Variants in VNN2 observed in about 807,000 individuals in gnomAD.
VNN2 encodes the protein pantetheine hydrolase VNN2.
In VNN2, 43 loss-of-function variants were observed where a neutral mutation model predicts 43.0. The ratio of observed to expected loss-of-function variants is 1.00; its 90% CI spans 0.78 to 1.29. The LOEUF (loss-of-function observed/expected upper bound fraction) is 1.29, where lower values mean the gene tolerates loss of function less well. VNN2 is among the 50% of genes most tolerant of loss of function. The pLI, the probability that VNN2 is intolerant of heterozygous loss-of-function variation, is 0.00. For synonymous variants in VNN2, 230 were observed against 224.3 expected, an observed-to-expected ratio of 1.03 and a Z score of -0.23; for missense variants, 652 against 619.7, an observed-to-expected ratio of 1.05 and a Z score of -0.55.
At chr6:132,754,980 C>T (rs559351944) in intron 3 of VNN2, among the ~76,000 whole-genome samples, 4 of 152,114 alleles carry the variant, frequency 2.6e-5, no homozygotes, top group African/African-American at 4.8e-5. Flanking sequence ...TCAAAGACAG[C>T]CTGGGCAATG....
At chr6:132,749,569 G>A (rs1779925712) in intron 6 of VNN2, 126 bp downstream of exon 6, 2 of 998,202 alleles carry the variant, frequency 2.0e-6, no homozygotes, top group South Asian at 3.5e-5. Flanking sequence ...CAGAACCAGG[G>A]CTAAAGAAAT....
At chr6:132,758,862 C>T (rs1005876560), upstream of VNN2, among the ~76,000 whole-genome samples, 1 of 152,008 alleles carries the variant, frequency 6.6e-6, no homozygotes, top group Non-Finnish European at 1.5e-5. Context: ...GCACCTAGGC[C>T]AGAGGAGGAA....
At chr6:132,754,413 CTTATG>C (rs1007164373) in intron 3 of VNN2, among the ~76,000 whole-genome samples, 2 of 152,136 alleles carry the variant, frequency 1.3e-5, no homozygotes, top group African/African-American at 4.8e-5. Flanking sequence ...ATATTGAGGA[CTTATG>C]TTAACGATTT....
chr6:132,754,481 C>A (rs1488716254), intron 3 of VNN2, among the ~76,000 whole-genome samples: 1 of 152,046 alleles, frequency 6.6e-6, no homozygotes, highest in Non-Finnish European at 1.5e-5. Context: ...GGTTTAACAT[C>A]CCTCCTCTTA....
chr6:132,748,852 GC>G (rs1386179859), intron 6 of VNN2, among the ~76,000 whole-genome samples: 1 of 152,126 alleles, frequency 6.6e-6, no homozygotes, highest in East Asian at 1.9e-4. Context: ...GATTGCTTGA[GC>G]CCAGGAGTTT....
chr6:132,757,479 A>G lies in VNN2; in HGVS notation c.281T>C (p.Phe94Ser). The G allele has an allele frequency of 1.2e-6, 2 of 1,613,944 alleles. No individual in the cohort carries two copies. Among genetic ancestry groups the G allele is most frequent in the African/African-American group, 1.3e-5 (1 of 75,048 alleles). Reference protein sequence around the residue: ...YGWKFTRETVFPYLEDIPDPQ... With the variant: ...YGWKFTRETVSPYLEDIPDPQ... ...GTCTGGGATATCCTCCAGATAAGGG[A>G]AAACAGTTTCCCTGGTAAATTTCCA... The change falls in exon 2 of 7, where the codon TTC becomes TCC. Residue 94 changes from phenylalanine to serine, a missense_variant. Coordinates refer to ENST00000326499, the MANE Select transcript of VNN2 (RefSeq NM_004665.6).
chr6:132,747,042 C>G (rs1292693085), intron 6 of VNN2, among the ~76,000 whole-genome samples: 1 of 152,126 alleles, frequency 6.6e-6, no homozygotes, highest in Non-Finnish European at 1.5e-5. Context: ...CAATCTATAT[C>G]TCATTTCCTT....
chr6:132,754,054 A>G (rs1780306852), intron 3 of VNN2: 1 of 151,558 alleles, frequency 6.6e-6, no homozygotes. Context: ...TCCCTGAGGT[A>G]CCCTCAGGGA....
chr6:132,744,904 T>C (rs1389502017), intron 6 of VNN2, among the ~76,000 whole-genome samples: 2 of 151,486 alleles, frequency 1.3e-5, no homozygotes, highest in Non-Finnish European at 2.9e-5. Flanking sequence ...AACAGGTAAG[T>C]GCTAGGAGGT....
rs943038599 is a variant in VNN2, at chr6:132,749,630, T to C, written c.1371+65A>G. The C allele has an allele frequency of 3.4e-6, 5 of 1,450,230 alleles. No individual in the cohort carries two copies. In the African/African-American group the frequency reaches 5.7e-5, roughly 17 times the overall value. 89.8% of individuals were successfully genotyped at this position (1,450,230 alleles called of 1,614,324 possible). The stretch of plus-strand genomic sequence containing the variant: ...CAGAAGTTAACTGGCAGAGTGGCTA[T>C]AGCTTGTTTTACTTGACTTCAGAGA... On this transcript the variant is annotated intron_variant, in intron 6 of 6. Transcript: ENST00000326499.
chr6:132,758,003 C>T (rs913856153), upstream of VNN2: 12 of 137,312 alleles, frequency 8.7e-5, 2 homozygotes, highest in Admixed American at 6.0e-4. Context: ...CATCATTTTT[C>T]TTCTTCTTCT....
At chr6:132,748,215 C>T (rs1779837725) in intron 6 of VNN2, among the ~76,000 whole-genome samples, 1 of 152,128 alleles carries the variant, frequency 6.6e-6, no homozygotes, top group Non-Finnish European at 1.5e-5. Context: ...AGTCCAGCCA[C>T]CTTTTAGCTA....
upstream of VNN2, among the ~76,000 whole-genome samples, chr6:132,761,018 A>G (rs1562256363): frequency 1.3e-5 from 2 of 152,196 alleles, no homozygotes; most frequent in Non-Finnish European, 2.9e-5. Context: ...TGAAGGAGCA[A>G]TTTAAATATA....
At chr6:132,748,890 C>T (rs33986412) in intron 6 of VNN2, among the ~76,000 whole-genome samples, 7,185 of 152,128 alleles carry the variant, frequency 0.047, 253 homozygotes, top group Non-Finnish European at 0.072. Context: ...ATGATCATGC[C>T]ACTGCACTCT....
At chr6:132,758,039 C>CTTCTTCTTTTTTTTT (rs1488070973), upstream of VNN2, 1 of 160,500 alleles carries the variant, frequency 6.2e-6, no homozygotes, top group African/African-American at 5.8e-5. Flanking sequence ...TCTTCTTCTT[C>CTTCTTCTTTTTTTTT]TTTTTTTTTT....
intron 4 of VNN2, among the ~76,000 whole-genome samples, 185 bp downstream of exon 4, chr6:132,752,276 A>C (rs920911943): frequency 3.9e-5 from 6 of 152,238 alleles, no homozygotes; most frequent in African/African-American, 1.4e-4. Context: ...AATGAATAAT[A>C]CACATAAAGG....
intron 6 of VNN2, among the ~76,000 whole-genome samples, chr6:132,746,643 T>C (rs2267952): frequency 0.57 from 86,827 of 151,856 alleles, 26,257 homozygotes; most frequent in African/African-American, 0.77. Context: ...CTCAGGCTTC[T>C]GTGGGTTCTT....
intron 3 of VNN2, 92 bp downstream of exon 3, chr6:132,755,751 T>C: frequency 3.9e-6 from 5 of 1,270,226 alleles, no homozygotes; most frequent in Non-Finnish European, 5.3e-6. Flanking sequence ...CTAGTAATAT[T>C]GTATCATATA....
chr6:132,746,103 AGAGGT>A (rs1562240379), intron 6 of VNN2, among the ~76,000 whole-genome samples: 1 of 152,230 alleles, frequency 6.6e-6, no homozygotes, highest in Non-Finnish European at 1.5e-5. Flanking sequence ...TAGGAAATTC[AGAGGT>A]TAAGTGACTT....
Sources: allele counts gnomAD v4.1 joint callset (sites outside exome capture counted in the v4.1 genomes callset), GRCh38; gene constraint gnomAD v4.1.1; transcripts MANE v1.5; gene names NCBI Gene and HGNC (gene_info 2026-07-23, HGNC 2026-07-21).